LAMA2: variants seen among roughly 807,000 people sequenced by gnomAD.
LAMA2 encodes laminin subunit alpha-2.
Under a neutral mutation model 364.8 loss-of-function variants are expected in LAMA2, and 269 were observed. The observed-to-expected ratio is 0.74, with a 90% confidence interval of 0.67 to 0.82. The LOEUF (loss-of-function observed/expected upper bound fraction) is 0.82. Among genes scored for constraint, LAMA2 ranks in the 40% least tolerant of loss-of-function variants. LAMA2 has a pLI of 0.00. For synonymous variants in LAMA2, 1,379 were observed against 1,370.6 expected, an observed-to-expected ratio of 1.01 and a Z score of -0.14; for missense variants, 3,807 against 3,873.2, an observed-to-expected ratio of 0.98 and a Z score of 0.45.
chr6:128,942,902 G>A (rs1467502359), intron 1 of LAMA2, among the ~76,000 whole-genome samples: 2 of 152,156 alleles, frequency 1.3e-5, no homozygotes, highest in Non-Finnish European at 2.9e-5. Flanking sequence ...GAGCCTGTGG[G>A]CAGTGTGACT....
intron 35 of LAMA2, among the ~76,000 whole-genome samples, chr6:129,387,892 G>A (rs998990118): frequency 1.3e-5 from 2 of 152,158 alleles, no homozygotes; most frequent in African/African-American, 4.8e-5. Context: ...ACACACTGGA[G>A]TCTATTGGGG....
At chr6:129,217,047 G>C (rs528995084) in intron 12 of LAMA2, among the ~76,000 whole-genome samples, 2 of 152,008 alleles carry the variant, frequency 1.3e-5, no homozygotes, top group Non-Finnish European at 2.9e-5. Flanking sequence ...AAATTACCTG[G>C]GTATGGTGGC....
intron 12 of LAMA2, among the ~76,000 whole-genome samples, chr6:129,213,322 C>G (rs1197566027): frequency 1.3e-5 from 2 of 152,192 alleles, no homozygotes; most frequent in African/African-American, 4.8e-5. Flanking sequence ...CAATATGAAT[C>G]AAGCTGCTAT....
At chr6:128,939,615 C>G (rs1010494483) in intron 1 of LAMA2, among the ~76,000 whole-genome samples, 2 of 152,078 alleles carry the variant, frequency 1.3e-5, no homozygotes, top group Non-Finnish European at 2.9e-5. Flanking sequence ...GATGAAAGAC[C>G]TATAGGCGGT....
intron 58 of LAMA2, among the ~76,000 whole-genome samples, chr6:129,499,061 C>G (rs1375013802): frequency 6.6e-6 from 1 of 152,136 alleles, no homozygotes; most frequent in Non-Finnish European, 1.5e-5. Context: ...TCAACAGGTG[C>G]ACCACCACGC....
chr6:129,502,002 C>T (rs78188269), intron 58 of LAMA2, among the ~76,000 whole-genome samples: 4,876 of 152,244 alleles, frequency 0.032, 161 homozygotes, highest in African/African-American at 0.081. Context: ...GACTGCACAG[C>T]CCCGCACCTA....
chr6:129,326,745 TATATATAATTTATATATATA>T (rs1166601661), intron 28 of LAMA2, among the ~76,000 whole-genome samples: 4 of 142,624 alleles, frequency 2.8e-5, no homozygotes, highest in African/African-American at 7.5e-5. Flanking sequence ...TTATATATTA[TATATATAATTTATATATATA>T]ATATATAATT....
chr6:128,933,238 G>C (rs1454077014), intron 1 of LAMA2, among the ~76,000 whole-genome samples: 2 of 143,162 alleles, frequency 1.4e-5, no homozygotes, highest in South Asian at 2.1e-4. Flanking sequence ...TTCTGTGTGT[G>C]TGTGTGTGTG....
chr6:129,143,981 T>G lies in LAMA2; in HGVS notation c.720T>G (p.Tyr240Ter), dbSNP rs773053547. The G allele has an allele frequency of 2.5e-6, 4 of 1,612,548 alleles. No individual in the cohort carries two copies. In the South Asian group the frequency reaches 4.4e-5, roughly 18 times the overall value. Reference sequence around the variant, plus strand: ...TGCTAGAATTTACCTCCGCTCGCTATATTCGCCTGAGATTTCAGAGGATCC... The same window carrying G: ...TGCTAGAATTTACCTCCGCTCGCTAGATTCGCCTGAGATTTCAGAGGATCC... ...PELLEFTSARYIRLRFQRIRT... is the reference protein window; with the variant it reads ...PELLEFTSAR Residue 240 changes from tyrosine (Y) to a stop codon, truncating the protein, a stop_gained, in exon 5 of 65, where the codon TAT becomes TAG. Transcript: ENST00000421865. LOFTEE classifies it high-confidence loss of function.
intron 1 of LAMA2, among the ~76,000 whole-genome samples, chr6:128,992,628 T>TA (rs2114663023): frequency 6.6e-6 from 1 of 152,298 alleles, no homozygotes; most frequent in African/African-American, 2.4e-5. Context: ...AGAACTCCTA[T>TA]ACACACACTT....
chr6:128,964,239 A>G (rs1781709298), intron 1 of LAMA2, among the ~76,000 whole-genome samples: 1 of 152,082 alleles, frequency 6.6e-6, no homozygotes, highest in Non-Finnish European at 1.5e-5. Flanking sequence ...GACATGGGAA[A>G]GGGATGCTTG....
At chr6:129,447,812 G>A (rs2114779017) in intron 45 of LAMA2, among the ~76,000 whole-genome samples, 1 of 152,326 alleles carries the variant, frequency 6.6e-6, no homozygotes, top group Admixed American at 6.5e-5. Context: ...AGCAATAAGA[G>A]TAAATATTAT....
Position 129,265,432 on chromosome 6 carries a change from A to C in LAMA2, c.2209-1674A>C, listed in dbSNP as rs111337582. Among the ~76,000 whole-genome samples, 792 of 152,282 alleles carry C rather than the reference A, an allele frequency of 5.2e-3. 6 individuals carry two copies. Among genetic ancestry groups the C allele is most frequent in the African/African-American group, 0.018 (756 of 41,570 alleles). ...AAACTTCATGAATATCTGTCTGAAA[A>C]CAGTAGATTAGTTCTCTCCCTTTTC... is the stretch of plus-strand genomic sequence containing the variant. On this transcript the variant is annotated intron_variant, in intron 15 of 64. Transcript: ENST00000421865.
At chr6:128,888,050 C>T (rs781688225) in intron 1 of LAMA2, among the ~76,000 whole-genome samples, 3 of 152,018 alleles carry the variant, frequency 2.0e-5, no homozygotes, top group East Asian at 1.9e-4. Context: ...CTAGAAGATT[C>T]GGGTTTAGGA....
intron 1 of LAMA2, among the ~76,000 whole-genome samples, chr6:128,917,241 C>A (rs1182793403): frequency 6.6e-6 from 1 of 150,952 alleles, no homozygotes; most frequent in Non-Finnish European, 1.5e-5. Context: ...CAATTAGAAA[C>A]TATATATAAA....
chr6:129,414,146 A>G (rs931960520), intron 40 of LAMA2, among the ~76,000 whole-genome samples: 8 of 152,128 alleles, frequency 5.3e-5, no homozygotes, highest in African/African-American at 1.9e-4. Context: ...GTAAACAGTA[A>G]GTTTAGAGCA....
intron 17 of LAMA2, among the ~76,000 whole-genome samples, chr6:129,272,600 A>C (rs1383950242): frequency 6.6e-6 from 1 of 152,188 alleles, no homozygotes; most frequent in Non-Finnish European, 1.5e-5. Context: ...ATAACACTAA[A>C]AGCAGTAATT....
chr6:129,105,179 A>G (rs1238522186), intron 4 of LAMA2, among the ~76,000 whole-genome samples: 1 of 152,164 alleles, frequency 6.6e-6, no homozygotes, highest in African/African-American at 2.4e-5. Context: ...GTATGAAGCA[A>G]CAGACTGCAG....
chr6:129,367,331 T>A (rs139429635), intron 33 of LAMA2, among the ~76,000 whole-genome samples: 1 of 152,332 alleles, frequency 6.6e-6, no homozygotes, highest in Non-Finnish European at 1.5e-5. Context: ...TTCATGACTC[T>A]TTTAATATCT....
Sources: gnomAD v4.1 joint callset for allele counts (sites outside exome capture counted in the v4.1 genomes callset) on GRCh38, gnomAD v4.1.1 for gene constraint, MANE v1.5 for transcripts, NCBI Gene and HGNC (gene_info 2026-07-23, HGNC 2026-07-21) for gene names.